Variants in MRPL18 observed in about 807,000 individuals in gnomAD.
The protein encoded by MRPL18 is mitochondrial ribosomal protein L18, also known as large ribosomal subunit protein uL18m.
Under a neutral mutation model 20.9 loss-of-function variants are expected in MRPL18, and 16 were observed. The observed-to-expected ratio is 0.76, with a 90% CI of 0.52 to 1.16. The LOEUF is 1.16. MRPL18 is among the 50% of genes most tolerant of loss of function. The pLI, the probability that MRPL18 is intolerant of heterozygous loss-of-function variation, is 0.00. For missense variants in MRPL18, 233 were observed against 230.6 expected (o/e 1.01, Z -0.07); for synonymous variants, 91 against 87.1 (o/e 1.04, Z -0.25).
Position 159,797,389 on chromosome 6 carries a change from G to C in MRPL18, c.342G>C (p.Lys114Asn), listed in dbSNP as rs1165251053. The change falls in exon 3 of 4, where the codon AAG (lysine) becomes AAC (asparagine). Residue 114 changes from lysine to asparagine, a missense_variant. Coordinates refer to ENST00000367034, the MANE Select transcript of MRPL18 (RefSeq NM_014161.5). ...SASTREWAIK[K>N]HLYSTRNVVA... ...CCACTCGTGAGTGGGCTATTAAAAA[G>C]CACCTTTATAGTACCAGAAATGTGG... is the stretch of plus-strand genomic sequence containing the variant. 1.2e-6 allele frequency: 2 copies of C among 1,614,040 alleles called. No homozygotes were observed. The highest frequency in any genetic ancestry group is 1.7e-6 in the Non-Finnish European group (2 of 1,180,032).
rs1780870072 is a variant in MRPL18 at position 159,790,930 on chromosome 6, C to T, written c.53-10C>T. On this transcript the variant is annotated splice_polypyrimidine_tract_variant and intron_variant, in intron 1 of 3. Transcript: ENST00000367034. ...TTTTTAAGCCCTGTGCGGTTTTTCC[C>T]GTTGCCCAGGGTGCAGGTTCGCAGC... 13 of 1,613,602 alleles carry T rather than the reference C, an allele frequency of 8.1e-6. No individual in the cohort carries two copies. The East Asian group carries it at 2.2e-4, about 28-fold the overall frequency.
intron 2 of MRPL18, 91 bp from the exon 3 acceptor site, chr6:159,797,196 T>A: frequency 8.1e-7 from 1 of 1,237,682 alleles, no homozygotes; most frequent in Non-Finnish European, 1.1e-6. Flanking sequence ...ACTGGATTGT[T>A]GAAAAATATT....
rs1781057150 is a variant in MRPL18 at position 159,797,456 on chromosome 6, T to G, written c.409T>G (p.Leu137Val). 6 of 1,614,074 alleles carry G rather than the reference T, an allele frequency of 3.7e-6. No homozygotes were observed. The highest frequency in any genetic ancestry group is 5.1e-6 in the Non-Finnish European group (6 of 1,180,040). ...AGGACGAGTGCTGGCACAGAGATGC[T>G]TAGAGGCGGGAATCAACTTCATGGT... Reference protein sequence around the residue: ...SIGRVLAQRCLEAGINFMVYQ... With the variant: ...SIGRVLAQRCVEAGINFMVYQ... Residue 137 changes from leucine to valine, a missense_variant, in exon 3 of 4, where the codon TTA (leucine) becomes GTA (valine). Coordinates refer to ENST00000367034, the MANE Select transcript of MRPL18 (RefSeq NM_014161.5).
intron 3 of MRPL18, 71 bp from the exon 4 acceptor site, chr6:159,797,981 G>C: frequency 7.9e-7 from 1 of 1,266,534 alleles, no homozygotes; most frequent in South Asian, 1.3e-5. Context: ...CTTTTGGAAG[G>C]TGAAAGTATT....
chr6:159,797,927 T>C, intron 3 of MRPL18, 125 bp from the exon 4 acceptor site: 2 of 767,170 alleles, frequency 2.6e-6, no homozygotes, highest in East Asian at 5.4e-5. Context: ...TGAAAAACCG[T>C]TGTAGGCTGG....
At chr6:159,797,204 A>G in intron 2 of MRPL18, 83 bp from the exon 3 acceptor site, 1 of 1,268,302 alleles carries the variant, frequency 7.9e-7, no homozygotes, top group Non-Finnish European at 1.1e-6. Flanking sequence ...GTTGAAAAAT[A>G]TTTAGTCATT....
chr6:159,795,701 T>C (rs1386726687), intron 2 of MRPL18, among the ~76,000 whole-genome samples: 3 of 152,252 alleles, frequency 2.0e-5, no homozygotes, highest in Non-Finnish European at 1.5e-5. Flanking sequence ...CCACAAGTTA[T>C]TGATCATTTT....
chr6:159,791,794 A>G (rs1780907519), intron 2 of MRPL18, among the ~76,000 whole-genome samples: 1 of 151,570 alleles, frequency 6.6e-6, no homozygotes, highest in Non-Finnish European at 1.5e-5. Context: ...AATCCCAGCT[A>G]CTCCAGTGGC....
intron 1 of MRPL18, 107 bp downstream of exon 1, chr6:159,790,746 C>A: frequency 6.7e-7 from 1 of 1,489,122 alleles, no homozygotes; most frequent in Non-Finnish European, 9.2e-7. Context: ...CGAAATAGAG[C>A]TCGCGGCACT....
chr6:159,797,501 G>C lies in MRPL18; in HGVS notation c.454G>C (p.Glu152Gln), dbSNP rs1226229336. The C allele has an allele frequency of 2.5e-6, 4 of 1,614,044 alleles. No homozygotes were observed. Among genetic ancestry groups the C allele is most frequent in the Admixed American group, 1.7e-5 (1 of 60,028 alleles). The change falls in exon 3 of 4, where the codon GAG becomes CAG. Residue 152 changes from glutamate (E) to glutamine (Q), a missense_variant. By Grantham distance (29) the Glu-to-Gln change is conservative. Coordinates refer to ENST00000367034, the MANE Select transcript of MRPL18 (RefSeq NM_014161.5). ...NFMVYQPTPW[E>Q]AASDSMKRLQ... ...CATGGTCTACCAACCAACCCCGTGG[G>C]AGGCAGCCTCAGACTCGGTATTTTT...
chr6:159,797,542 T>C (rs768614248), intron 3 of MRPL18, 24 bp downstream of exon 3: 4 of 1,593,488 alleles, frequency 2.5e-6, no homozygotes, highest in Admixed American at 3.3e-5. Context: ...CATGTACTTA[T>C]TGAAAAGGTA....
At chr6:159,790,448 G>A, upstream of MRPL18, 2 of 1,041,522 alleles carry the variant, frequency 1.9e-6, no homozygotes, top group Non-Finnish European at 2.9e-6. Context: ...CTACTTCCGG[G>A]TCGGTGGCGT....
chr6:159,791,147 T>G, intron 2 of MRPL18, 21 bp downstream of exon 2: 1 of 1,613,688 alleles, frequency 6.2e-7, no homozygotes, highest in Non-Finnish European at 8.5e-7. Flanking sequence ...CTGCTTGTGA[T>G]TGACAAGGGC....
rs1260391452 is a variant in MRPL18, at chr6:159,790,602, G to C, written c.15G>C (p.Ser5=). 1.3e-6 allele frequency: 2 copies of C among 1,537,486 alleles called. No individual in the cohort carries two copies. Among genetic ancestry groups the C allele is most frequent in the Admixed American group, 2.0e-5 (1 of 50,830 alleles). The change falls in exon 1 of 4, where the codon TCG becomes TCC. Residue 5 remains serine, a synonymous_variant. Coordinates refer to ENST00000367034, the MANE Select transcript of MRPL18 (RefSeq NM_014161.5). ...TCGTCTCAGCGATGGCGCTTCGGTC[G>C]CGGTTTTGGGGGTTGTTCTCGGTTT... MALR[S]RFWGLFSVCR...
rs796874725 is a variant in MRPL18 at position 159,792,321 on chromosome 6, T to TA, written c.239+1198dup. On this transcript the variant is annotated intron_variant, in intron 2 of 3. Coordinates refer to ENST00000367034, the MANE Select transcript of MRPL18 (RefSeq NM_014161.5). ...TCTTAAGGACTTCTTAAGTACTATG[T>TA]AAAGTTGTAAGAGTAAATTGGAAAT... Among the ~76,000 whole-genome samples, 10 of 152,282 alleles carry TA rather than the reference T, an allele frequency of 6.6e-5. 1 individual carries two copies. The highest frequency in any genetic ancestry group is 2.4e-4 in the African/African-American group (10 of 41,552).
chr6:159,796,287 C>T (rs535873660), intron 2 of MRPL18, among the ~76,000 whole-genome samples: 31 of 151,630 alleles, frequency 2.0e-4, no homozygotes, highest in African/African-American at 7.3e-4. Context: ...TGAGACGAGC[C>T]TGGGCAATAT....
At chr6:159,794,717 A>G (rs1780988114) in intron 2 of MRPL18, among the ~76,000 whole-genome samples, 1 of 152,212 alleles carries the variant, frequency 6.6e-6, no homozygotes, top group Non-Finnish European at 1.5e-5. Flanking sequence ...TGTTTGGATA[A>G]TGCTTTGCCT....
In MRPL18 at chr6:159,798,333, C is replaced by A; in HGVS notation, c.*210C>A. ...CTGCCCCTCTCTTGGGCTTCAGAAG[C>A]ATCTAAGAAAAGCAGTCATCAATTA... On this transcript the variant is annotated 3_prime_UTR_variant, in exon 4 of 4. Transcript: ENST00000367034. 1 of 444,916 alleles carries A rather than the reference C, an allele frequency of 2.2e-6. No homozygotes were observed. The highest frequency in any genetic ancestry group is 4.5e-5 in the South Asian group (1 of 22,426). The allele number at this position is 444,916 out of a possible 1,614,324, so 27.6% of individuals were successfully genotyped here.
At chr6:159,794,254 A>C (rs1262662634) in intron 2 of MRPL18, among the ~76,000 whole-genome samples, 1 of 152,232 alleles carries the variant, frequency 6.6e-6, no homozygotes, top group African/African-American at 2.4e-5. Context: ...GCACTTAAAA[A>C]TACATCTTGG....
Sources: gnomAD v4.1 joint callset for allele counts (sites outside exome capture counted in the v4.1 genomes callset) on GRCh38, gnomAD v4.1.1 for gene constraint, MANE v1.5 for transcripts, NCBI Gene and HGNC (gene_info 2026-07-23, HGNC 2026-07-21) for gene names.